Variants in FN1 observed in about 807,000 individuals in gnomAD.
FN1 encodes fibronectin.
FN1 carries 106 observed loss-of-function variants against 297.3 expected under a neutral mutation model. The observed-to-expected ratio is 0.36, with a 90% CI of 0.30 to 0.42. FN1 has a LOEUF of 0.42. Ranked by LOEUF, FN1 falls within the 10% of genes least tolerant of loss-of-function variation. The probability of loss-of-function intolerance (pLI) is 1.00; values close to 1 mark genes in which losing one functional copy is unlikely to be tolerated. For synonymous variants in FN1, 1,149 were observed against 1,152.6 expected (o/e 1.00, Z 0.06); for missense variants, 2,690 against 3,124.9 (o/e 0.86, Z 3.32).
chr2:215,375,585 T>G, intron 37 of FN1, 44 bp downstream of exon 37: 1 of 1,390,768 alleles, frequency 7.2e-7, no homozygotes. Flanking sequence ...TGAAACTGAT[T>G]GCATACAAGT....
rs547229636 is a variant in FN1 at position 215,399,281 on chromosome 2, C to T, written c.3324G>A (p.Thr1108=). ...VTETTIVITW[T]PAPRIGFKLG... is the part of the protein sequence containing the mutation. The stretch of plus-strand genomic sequence containing the variant: ...CCTTAAAACCAATTCTTGGAGCAGG[C>T]GTCCATGTGATCACAATGGTGGTCT... Residue 1108 remains threonine, a synonymous_variant, in exon 21 of 46, where the codon ACG becomes ACA. Transcript: ENST00000354785. 1.4e-5 allele frequency: 22 copies of T among 1,613,436 alleles called. No individual in the cohort carries two copies. Among genetic ancestry groups the T allele is most frequent in the Admixed American group, 1.0e-4 (6 of 60,006 alleles).
At chr2:215,426,143 CTTTTTTTTTTTTT>C (rs58002948) in intron 6 of FN1, among the ~76,000 whole-genome samples, 2 of 101,074 alleles carry the variant, frequency 2.0e-5, no homozygotes, top group Non-Finnish European at 3.9e-5. Context: ...TTTCTTTTTT[CTTTTTTTTTTTTT>C]TTTTTTTTTT....
At chr2:215,400,350 CAGAATAAT>C (rs1172905810) in intron 20 of FN1, among the ~76,000 whole-genome samples, 7 of 152,252 alleles carry the variant, frequency 4.6e-5, no homozygotes, top group African/African-American at 1.7e-4. Context: ...ATTATTCTTT[CAGAATAAT>C]ACTGCAAAAA....
Position 215,386,851 on chromosome 2 carries a change from G to A in FN1, c.4450C>T (p.His1484Tyr). ...GGTCTCCCACTGAAGTGCTCGGGAT[G>A]ATGGCGGATCCTGTAGCCAGTGATG... ...ATITGYRIRH[H>Y]PEHFSGRPRE... The change falls in exon 28 of 46, where the codon CAT (histidine) becomes TAT (tyrosine). Residue 1484 changes from histidine (H) to tyrosine (Y), a missense_variant. Transcript: ENST00000354785. 4.3e-6 allele frequency: 7 copies of A among 1,614,072 alleles called. No individual in the cohort carries two copies. Among genetic ancestry groups the A allele is most frequent in the East Asian group, 4.5e-5 (2 of 44,862 alleles).
At chr2:215,424,104 T>G in intron 8 of FN1, 42 bp downstream of exon 8, 1 of 1,588,048 alleles carries the variant, frequency 6.3e-7, no homozygotes, top group Non-Finnish European at 8.6e-7. Context: ...GGCATGAAAG[T>G]GAGTTTTTCT....
intron 45 of FN1, 132 bp from the exon 46 acceptor site, chr2:215,361,758 A>G: frequency 1.0e-6 from 1 of 1,002,348 alleles, no homozygotes; most frequent in Non-Finnish European, 1.5e-6. Context: ...AGTTTCAAGA[A>G]CCTAGCAGCA....
At chr2:215,425,054 T>C in intron 7 of FN1, 40 bp downstream of exon 7, 6 of 1,563,978 alleles carry the variant, frequency 3.8e-6, no homozygotes, top group Non-Finnish European at 5.3e-6. Context: ...AACTAAATAA[T>C]AAAGTCATCA....
In FN1 at chr2:215,397,222, T is replaced by G; in HGVS notation, c.3519A>C (p.Pro1173=). ...DAPIVNKVVT[P]LSPPTNLHLE... is the part of the protein sequence containing the mutation. ...GATGCAAGTTTGTTGGTGGAGACAA[T>G]GCTATGCAGAAAGAACATTTTAAAA... Residue 1173 remains proline, a splice_region_variant and synonymous_variant, in exon 23 of 46, where the codon CCA becomes CCC. Transcript: ENST00000354785. 6.2e-7 allele frequency: 1 copy of G among 1,609,308 alleles called. No homozygotes were observed. The highest frequency in any genetic ancestry group is 1.1e-5 in the South Asian group (1 of 90,986).
At chr2:215,388,081 A>T in intron 27 of FN1, 131 bp downstream of exon 27, 1 of 730,146 alleles carries the variant, frequency 1.4e-6, no homozygotes, top group Admixed American at 2.0e-5. Flanking sequence ...ATAAAATCAT[A>T]CTGTGATGAC....
intron 11 of FN1, 79 bp from the exon 12 acceptor site, chr2:215,419,464 C>T: frequency 8.4e-7 from 1 of 1,197,484 alleles, no homozygotes; most frequent in Non-Finnish European, 1.2e-6. Context: ...CTAGAGCATA[C>T]ATTTAGCTTA....
chr2:215,390,120 A>G (rs2059544889), intron 26 of FN1, among the ~76,000 whole-genome samples: 1 of 152,148 alleles, frequency 6.6e-6, no homozygotes, highest in African/African-American at 2.4e-5. Flanking sequence ...TTCCATTTCC[A>G]CCATACTAGC....
rs578164520 is a variant in FN1 at position 215,403,789 on chromosome 2, T to G, written c.3253+600A>C. Among the ~76,000 whole-genome samples the G allele has an allele frequency of 4.6e-5, 7 of 152,302 alleles. No homozygotes were observed. In the East Asian group the frequency reaches 7.7e-4, roughly 17 times the overall value. On this transcript the variant is annotated intron_variant, in intron 20 of 45. Transcript: ENST00000354785. Reference sequence around the variant, plus strand: ...AAGAGTAATTTAAGAAAAGAGCGATTCCGTCTGCAAAAGTACTTTAATCTT... The same window carrying G: ...AAGAGTAATTTAAGAAAAGAGCGATGCCGTCTGCAAAAGTACTTTAATCTT...
chr2:215,372,586 A>G, intron 39 of FN1: 1 of 602,510 alleles, frequency 1.7e-6, no homozygotes, highest in East Asian at 2.9e-5. Context: ...TAGAAAGAAA[A>G]AAGTGTTAGT....
At chr2:215,401,789 T>G (rs2061202265) in intron 20 of FN1, among the ~76,000 whole-genome samples, 1 of 152,124 alleles carries the variant, frequency 6.6e-6, no homozygotes, top group African/African-American at 2.4e-5. Flanking sequence ...TAAGGAGCCA[T>G]TTTTTATTTT....
chr2:215,376,688 T>C lies in FN1; in HGVS notation c.5711-14A>G, dbSNP rs778541504. ...GTGGGCTGACATCTGCACAGGAGCATAGCTAGAGATTAGTGCCTGCTTGGC... is the reference window on the plus strand; with the variant it reads ...GTGGGCTGACATCTGCACAGGAGCACAGCTAGAGATTAGTGCCTGCTTGGC... On this transcript the variant is annotated splice_polypyrimidine_tract_variant and intron_variant, in intron 35 of 45. Transcript: ENST00000354785. The C allele has an allele frequency of 1.9e-6, 3 of 1,612,716 alleles. No individual in the cohort carries two copies. The highest frequency in any genetic ancestry group is 1.1e-5 in the South Asian group (1 of 91,062).
intron 41 of FN1, among the ~76,000 whole-genome samples, chr2:215,368,958 G>A (rs2055251852): frequency 6.6e-6 from 1 of 152,114 alleles, no homozygotes; most frequent in South Asian, 2.1e-4. Flanking sequence ...AAACTCAAAA[G>A]CTCAAAAGCA....
intron 12 of FN1, among the ~76,000 whole-genome samples, 178 bp downstream of exon 12, chr2:215,419,064 T>C (rs1015382827): frequency 6.6e-6 from 1 of 152,210 alleles, no homozygotes; most frequent in Non-Finnish European, 1.5e-5. Context: ...TTTTACTTGA[T>C]AGAGGAAGAG....
intron 24 of FN1, 46 bp downstream of exon 24, chr2:215,394,482 T>A: frequency 6.8e-7 from 1 of 1,463,176 alleles, no homozygotes; most frequent in Non-Finnish European, 9.6e-7. Context: ...ATCCCCACTC[T>A]TATTGGAAGT....
intron 35 of FN1, among the ~76,000 whole-genome samples, chr2:215,377,727 TGG>T (rs56965084): frequency 0.28 from 42,654 of 152,034 alleles, 6,842 homozygotes; most frequent in East Asian, 0.78. Flanking sequence ...CAGAAGCCAG[TGG>T]GGTCTCCCCA....
Sources: allele counts gnomAD v4.1 joint callset (sites outside exome capture counted in the v4.1 genomes callset), GRCh38; gene constraint gnomAD v4.1.1; transcripts MANE v1.5; gene names NCBI Gene and HGNC (gene_info 2026-07-23, HGNC 2026-07-21).